Variants in FSHR observed in about 807,000 individuals in gnomAD.
The protein encoded by FSHR is follicle-stimulating hormone receptor.
FSHR carries 46 observed loss-of-function variants against 52.1 expected under a neutral mutation model. That is an observed-to-expected ratio of 0.88 (90% confidence interval 0.70 to 1.13). FSHR has a LOEUF of 1.13. Among genes scored for constraint, FSHR ranks in the 50% most tolerant of loss-of-function variants. The pLI, the probability that FSHR is intolerant of heterozygous loss-of-function variation, is 0.00. For synonymous variants in FSHR, 399 were observed against 309.6 expected, an observed-to-expected ratio of 1.29 and a Z score of -3.03; for missense variants, 964 against 834.6, an observed-to-expected ratio of 1.16 and a Z score of -1.91.
At chr2:49,099,690 C>T (rs59340742) in intron 1 of FSHR, among the ~76,000 whole-genome samples, 36,157 of 151,806 alleles carry the variant, frequency 0.24, 4,449 homozygotes, top group African/African-American at 0.29. Flanking sequence ...CAAAGAAAGA[C>T]GGCCATATGG....
intron 1 of FSHR, 48 bp downstream of exon 1, chr2:49,154,218 T>G (rs757207941): frequency 1.1e-5 from 17 of 1,580,658 alleles, no homozygotes; most frequent in Non-Finnish European, 1.5e-5. Flanking sequence ...TAGTACGCAA[T>G]GCACAAATGC....
At chr2:49,083,607 G>A (rs1253243636) in intron 1 of FSHR, among the ~76,000 whole-genome samples, 9 of 149,140 alleles carry the variant, frequency 6.0e-5, no homozygotes, top group East Asian at 4.0e-4. Context: ...CCCATCTCAC[G>A]TGCAGAGACA....
chr2:49,029,162 T>C (rs1236283322), intron 2 of FSHR, among the ~76,000 whole-genome samples: 1 of 152,204 alleles, frequency 6.6e-6, no homozygotes, highest in Admixed American at 6.5e-5. Flanking sequence ...ACGAAATCTA[T>C]ATTTGACCTA....
At chr2:49,085,521 A>T (rs564516016) in intron 1 of FSHR, among the ~76,000 whole-genome samples, 9 of 152,336 alleles carry the variant, frequency 5.9e-5, no homozygotes, top group Non-Finnish European at 1.2e-4. Context: ...TTTACTTCCA[A>T]CTATGTGGTC....
At chr2:49,111,077 C>T (rs1021725842) in intron 1 of FSHR, among the ~76,000 whole-genome samples, 3 of 152,102 alleles carry the variant, frequency 2.0e-5, no homozygotes, top group African/African-American at 7.2e-5. Context: ...AGGCAGAAAC[C>T]CCTCTGGGGA....
chr2:49,006,647 C>G lies in FSHR; in HGVS notation c.374+10842G>C, dbSNP rs374382234. 3.0e-4 allele frequency among the ~76,000 whole-genome samples: 45 copies of G among 152,252 alleles called. No individual in the cohort carries two copies. In the South Asian group the frequency reaches 8.7e-3, roughly 29 times the overall value. ...GAAGCCCACAACAAGCTTTCCCTGA[C>G]TAGTCTGGCCTGAGGCACAGGGTCA... On this transcript the variant is annotated intron_variant, in intron 4 of 9. Coordinates refer to ENST00000406846, the MANE Select transcript of FSHR (RefSeq NM_000145.4).
chr2:49,150,677 C>G (rs931965368), intron 1 of FSHR, among the ~76,000 whole-genome samples: 1 of 152,042 alleles, frequency 6.6e-6, no homozygotes, highest in Non-Finnish European at 1.5e-5. Flanking sequence ...TCCACCATCT[C>G]TGACTCATCA....
intron 1 of FSHR, among the ~76,000 whole-genome samples, chr2:49,111,334 G>A (rs1010412042): frequency 3.9e-5 from 6 of 152,070 alleles, no homozygotes; most frequent in African/African-American, 1.4e-4. Flanking sequence ...TTAATCCACT[G>A]TCCATTCTTC....
intron 1 of FSHR, among the ~76,000 whole-genome samples, chr2:49,087,801 A>G (rs1486540586): frequency 6.6e-6 from 1 of 152,214 alleles, no homozygotes; most frequent in Non-Finnish European, 1.5e-5. Flanking sequence ...TTGAACATCT[A>G]CGTGACACAC....
chr2:49,142,969 G>C (rs1672744094), intron 1 of FSHR, among the ~76,000 whole-genome samples: 1 of 152,158 alleles, frequency 6.6e-6, no homozygotes, highest in Non-Finnish European at 1.5e-5. Context: ...TGTTGGTTTT[G>C]AGATGCTTGT....
chr2:49,001,191 T>C (rs925008124), intron 4 of FSHR, among the ~76,000 whole-genome samples: 6 of 152,146 alleles, frequency 3.9e-5, no homozygotes, highest in Non-Finnish European at 8.8e-5. Context: ...CTAGACACCA[T>C]TGTAAATGCC....
intron 3 of FSHR, 78 bp from the exon 4 acceptor site, chr2:49,017,641 A>G (rs1572639185): frequency 6.9e-6 from 7 of 1,015,330 alleles, no homozygotes; most frequent in Admixed American, 1.8e-5. Context: ...TACAGAGTAC[A>G]TAATAAATCA....
intron 2 of FSHR, among the ~76,000 whole-genome samples, chr2:49,033,515 A>T (rs1467420629): frequency 6.6e-6 from 1 of 152,178 alleles, no homozygotes; most frequent in African/African-American, 2.4e-5. Context: ...AGGCCAACGC[A>T]GGAGGGCTGT....
At chr2:49,122,377 A>G (rs576312609) in intron 1 of FSHR, among the ~76,000 whole-genome samples, 8 of 152,218 alleles carry the variant, frequency 5.3e-5, no homozygotes, top group Non-Finnish European at 1.2e-4. Context: ...ACGGAGTGAC[A>G]ACAAGCTTAT....
intron 1 of FSHR, among the ~76,000 whole-genome samples, chr2:49,129,473 C>T (rs181230764): frequency 4.6e-5 from 7 of 152,268 alleles, no homozygotes; most frequent in Admixed American, 4.6e-4. Context: ...ATGATAAGTG[C>T]TTCTCTGTGT....
intron 2 of FSHR, among the ~76,000 whole-genome samples, chr2:49,063,082 G>C (rs1289339967): frequency 6.6e-6 from 1 of 152,078 alleles, no homozygotes; most frequent in Non-Finnish European, 1.5e-5. Flanking sequence ...TTTTACTAAT[G>C]GGTATGTATT....
At chr2:49,060,071 T>C (rs1422241562) in intron 2 of FSHR, among the ~76,000 whole-genome samples, 1 of 152,118 alleles carries the variant, frequency 6.6e-6, no homozygotes, top group Non-Finnish European at 1.5e-5. Flanking sequence ...AAAGAAGACA[T>C]ATAAATGGCC....
At chr2:49,097,318 A>G (rs1369351369) in intron 1 of FSHR, among the ~76,000 whole-genome samples, 3 of 152,094 alleles carry the variant, frequency 2.0e-5, no homozygotes, top group African/African-American at 7.2e-5. Context: ...AGATATGAGA[A>G]TTGTAGAATT....
chr2:48,989,844 T>C (rs1030332089), intron 5 of FSHR, among the ~76,000 whole-genome samples: 2 of 152,158 alleles, frequency 1.3e-5, no homozygotes, highest in African/African-American at 4.8e-5. Context: ...CCGTCAACCT[T>C]CCCTGTTAGG....
Sources: gnomAD v4.1 joint callset for allele counts (sites outside exome capture counted in the v4.1 genomes callset) on GRCh38, gnomAD v4.1.1 for gene constraint, MANE v1.5 for transcripts, NCBI Gene and HGNC (gene_info 2026-07-23, HGNC 2026-07-21) for gene names.